Variants in TLN2 observed in about 807,000 individuals in gnomAD.
TLN2 encodes talin-2.
TLN2 carries 118 observed loss-of-function variants against 294.7 expected under a neutral mutation model. The observed-to-expected ratio is 0.40, with a 90% CI of 0.34 to 0.47. The LOEUF is 0.47. Ranked by LOEUF, TLN2 falls within the 20% of genes least tolerant of loss-of-function variation. The pLI, the probability that TLN2 is intolerant of heterozygous loss-of-function variation, is 0.84. For missense variants in TLN2, 3,083 were observed against 3,282.2 expected (o/e 0.94, Z 1.48); for synonymous variants, 1,431 against 1,304.5 (o/e 1.10, Z -2.09).
intron 50 of TLN2, among the ~76,000 whole-genome samples, chr15:62,801,805 T>C (rs778417928): frequency 6.6e-6 from 1 of 152,190 alleles, no homozygotes; most frequent in South Asian, 2.1e-4. Context: ...AGCTCCTTTT[T>C]TGTTATTTGT....
intron 1 of TLN2, among the ~76,000 whole-genome samples, chr15:62,547,262 G>C (rs1264958039): frequency 6.6e-6 from 1 of 152,198 alleles, no homozygotes; most frequent in African/African-American, 2.4e-5. Context: ...CAACTGGGAT[G>C]TCAAAATCCT....
chr15:62,753,914 C>G lies in TLN2; in HGVS notation c.4474C>G (p.Gln1492Glu), dbSNP rs2062076925. 2 of 1,601,002 alleles carry G rather than the reference C, an allele frequency of 1.2e-6. No homozygotes were observed. Among genetic ancestry groups the G allele is most frequent in the South Asian group, 2.3e-5 (2 of 88,692 alleles). ...GGTGGACCCTGGCAGCAGCCCATCA[C>G]AGGTAACTGTTGGGGAGGATGTAAG... Reference protein sequence around the residue: ...NLVDPGSSPSQVLSAATIVAK... With the variant: ...NLVDPGSSPSEVLSAATIVAK... The change falls in exon 36 of 59, where the codon CAG (glutamine) becomes GAG (glutamate). Residue 1492 changes from glutamine to glutamate, a missense_variant and splice_region_variant. By Grantham distance (29) the Gln-to-Glu change is conservative. Transcript: ENST00000636159.
chr15:62,673,714 TA>T, intron 9 of TLN2, 112 bp from the exon 10 acceptor site: 2 of 754,348 alleles, frequency 2.7e-6, no homozygotes, highest in South Asian at 1.8e-5. Flanking sequence ...AATTACTCTA[TA>T]AAATATTGGG....
intron 3 of TLN2, among the ~76,000 whole-genome samples, chr15:62,643,713 G>A (rs1044981498): frequency 1.3e-5 from 2 of 152,048 alleles, no homozygotes; most frequent in Non-Finnish European, 2.9e-5. Flanking sequence ...GGCAGCAGAG[G>A]GGAATTGACA....
intron 51 of TLN2, 68 bp downstream of exon 51, chr15:62,805,853 T>C: frequency 4.6e-6 from 7 of 1,526,430 alleles, no homozygotes; most frequent in Non-Finnish European, 5.3e-6. Flanking sequence ...CTTGGTGTAG[T>C]CTGAAAAAGG....
chr15:62,578,011 A>G (rs1281064215), intron 1 of TLN2, among the ~76,000 whole-genome samples: 1 of 152,170 alleles, frequency 6.6e-6, no homozygotes, highest in Non-Finnish European at 1.5e-5. Context: ...TGTCCCTATA[A>G]AGGACATGAA....
At chr15:62,784,686 G>T (rs2133090) in intron 45 of TLN2, 149,509 of 152,364 alleles carry the variant, frequency 0.98, 73,419 homozygotes, top group Middle Eastern at 1. Context: ...GCTTCTTAGA[G>T]AAAGGAAGCC....
chr15:62,804,263 A>G (rs779332258), intron 50 of TLN2, among the ~76,000 whole-genome samples: 6 of 152,316 alleles, frequency 3.9e-5, no homozygotes, highest in Middle Eastern at 3.4e-3. Context: ...CTGGGAAACT[A>G]CAGACACATG....
At chr15:62,391,987 T>C (rs184334536) in intron 1 of TLN2, among the ~76,000 whole-genome samples, 8 of 152,240 alleles carry the variant, frequency 5.3e-5, no homozygotes, top group Non-Finnish European at 8.8e-5. Flanking sequence ...GTAGCTCACT[T>C]CCTGGGGGAG....
intron 1 of TLN2, among the ~76,000 whole-genome samples, chr15:62,542,926 C>A (rs748559267): frequency 3.4e-4 from 52 of 152,144 alleles, no homozygotes; most frequent in Non-Finnish European, 6.6e-4. Flanking sequence ...TGACTCAAGT[C>A]ATGTGTTTGC....
intron 1 of TLN2, among the ~76,000 whole-genome samples, chr15:62,539,871 A>C (rs2041574056): frequency 6.6e-6 from 1 of 151,684 alleles, no homozygotes; most frequent in Admixed American, 6.6e-5. Context: ...AACTGATGAC[A>C]TCCAGGCCCC....
At chr15:62,677,738 T>C (rs2056380995) in intron 11 of TLN2, among the ~76,000 whole-genome samples, 1 of 147,704 alleles carries the variant, frequency 6.8e-6, no homozygotes, top group South Asian at 2.2e-4. Flanking sequence ...TCTTTCTCTT[T>C]ATTTTTTTTT....
chr15:62,810,483 C>T (rs2066604696), intron 52 of TLN2, among the ~76,000 whole-genome samples: 1 of 152,138 alleles, frequency 6.6e-6, no homozygotes, highest in Non-Finnish European at 1.5e-5. Context: ...CCCACCAGCC[C>T]TTCACAACTT....
At chr15:62,583,989 T>G (rs1276681586) in intron 1 of TLN2, among the ~76,000 whole-genome samples, 3 of 152,202 alleles carry the variant, frequency 2.0e-5, no homozygotes, top group African/African-American at 7.2e-5. Flanking sequence ...AAGCATATAT[T>G]TTACACTACT....
intron 2 of TLN2, among the ~76,000 whole-genome samples, chr15:62,605,103 A>C (rs1404697469): frequency 6.6e-6 from 1 of 152,220 alleles, no homozygotes; most frequent in Non-Finnish European, 1.5e-5. Context: ...TTATTAGAGG[A>C]ACTTTTAAAA....
chr15:62,450,571 G>C (rs1034493261), intron 1 of TLN2, among the ~76,000 whole-genome samples: 45 of 149,662 alleles, frequency 3.0e-4, no homozygotes, highest in South Asian at 1.3e-3. Flanking sequence ...GTGTGTGTGT[G>C]TGTCTGTGTG....
chr15:62,761,723 C>G lies in TLN2; in HGVS notation c.4681C>G (p.Arg1561Gly), dbSNP rs369554074. Residue 1561 changes from arginine (R) to glycine (G), a missense_variant, in exon 38 of 59, where the codon CGC becomes GGC. Arg to Gly is a moderately radical substitution (Grantham distance 125). Coordinates refer to ENST00000636159, the MANE Select transcript of TLN2 (RefSeq NM_015059.3). ...DFSEDNRNKC[R>G]IATAPLIEAV... The stretch of plus-strand genomic sequence containing the variant: ...CTCTGAAGACAACCGCAATAAGTGT[C>G]GCATCGCCACCGCACCCTTGATTGA... 2 of 1,613,986 alleles carry G rather than the reference C, an allele frequency of 1.2e-6. No individual in the cohort carries two copies. The highest frequency in any genetic ancestry group is 1.7e-6 in the Non-Finnish European group (2 of 1,180,012).
intron 3 of TLN2, among the ~76,000 whole-genome samples, chr15:62,645,706 C>T (rs2051744765): frequency 6.6e-6 from 1 of 152,208 alleles, no homozygotes; most frequent in Admixed American, 6.5e-5. Context: ...CACCTCCCTT[C>T]TTCCGTGGGA....
chr15:62,607,967 A>G (rs928673828), intron 2 of TLN2, among the ~76,000 whole-genome samples: 1 of 152,192 alleles, frequency 6.6e-6, no homozygotes, highest in Non-Finnish European at 1.5e-5. Flanking sequence ...TGAGCTGCCA[A>G]TTATTTTATG....
Sources: allele counts gnomAD v4.1 joint callset (sites outside exome capture counted in the v4.1 genomes callset), GRCh38; gene constraint gnomAD v4.1.1; transcripts MANE v1.5; gene names NCBI Gene and HGNC (gene_info 2026-07-23, HGNC 2026-07-21).